The following LRRC37A3 variants were observed in gnomAD, a reference collection of about 807,000 sequenced individuals.
The protein encoded by LRRC37A3 is leucine-rich repeat-containing protein 37A3.
In LRRC37A3, 25 loss-of-function variants were observed where a neutral mutation model predicts 106.2. The ratio of observed to expected loss-of-function variants is 0.24; its 90% CI spans 0.17 to 0.33. LRRC37A3 has a LOEUF of 0.33. LRRC37A3 is among the 10% of genes least tolerant of loss of function. LRRC37A3 has a pLI of 1.00. For synonymous variants in LRRC37A3, 305 were observed against 635.8 expected (o/e 0.48, Z 7.83); for missense variants, 712 against 1,644.9 (o/e 0.43, Z 9.81).
intron 14 of LRRC37A3, among the ~76,000 whole-genome samples, chr17:64,855,159 T>G (rs1972634498): frequency 6.6e-6 from 1 of 151,470 alleles, no homozygotes; most frequent in Non-Finnish European, 1.5e-5. Flanking sequence ...ATAAAAGGAA[T>G]AGAGTAGGGG....
In LRRC37A3 at chr17:64,860,530, G is replaced by C. The variant is rs761222497; in HGVS notation, c.3616C>G (p.Leu1206Val). The change falls in exon 12 of 15, where the codon CTC (leucine) becomes GTC (valine). Residue 1206 changes from leucine (L) to valine (V), a missense_variant. By Grantham distance (32) the Leu-to-Val change is conservative. Coordinates refer to ENST00000584306, the MANE Select transcript of LRRC37A3 (RefSeq NM_199340.5). ...SVENTAEEKR[L>V]GSPAPRELKQ... ...AGCTCCCTTGGGGCTGGACTTCCGA[G>C]CCTTTTTTCTTCGGCAGTGTTCTCC... 3.1e-6 allele frequency: 5 copies of C among 1,612,886 alleles called. No individual in the cohort carries two copies. The highest frequency in any genetic ancestry group is 4.2e-6 in the Non-Finnish European group (5 of 1,179,864).
chr17:64,857,863 G>C (rs370620893), intron 13 of LRRC37A3, among the ~76,000 whole-genome samples: 45 of 152,322 alleles, frequency 3.0e-4, no homozygotes, highest in Middle Eastern at 3.4e-3. Flanking sequence ...TGGAATGGAG[G>C]GCTGGCTGCC....
Position 64,859,947 on chromosome 17 carries a change from T to A in LRRC37A3, c.4199A>T (p.Asn1400Ile). ...CATGTTAGTGTTTTCCATAAAAACA[T>A]TTTCTTCAAAGGCATTTCTTGCAGT... Reference protein sequence around the residue: ...DTTARNAFEENVFMENTNMPE... With the variant: ...DTTARNAFEEIVFMENTNMPE... The change falls in exon 12 of 15, where the codon AAT (asparagine) becomes ATT (isoleucine). Residue 1400 changes from asparagine to isoleucine, a missense_variant. By Grantham distance (149) the Asn-to-Ile change is moderately radical. Coordinates refer to ENST00000584306, the MANE Select transcript of LRRC37A3 (RefSeq NM_199340.5). The A allele has an allele frequency of 1.2e-6, 2 of 1,613,848 alleles. No individual in the cohort carries two copies. The highest frequency in any genetic ancestry group is 1.7e-6 in the Non-Finnish European group (2 of 1,179,866).
Position 64,860,441 on chromosome 17 carries a change from A to G in LRRC37A3, c.3705T>C (p.Pro1235=). The change falls in exon 12 of 15, where the codon CCT becomes CCC. Residue 1235 remains proline (P), a synonymous_variant. Coordinates refer to ENST00000584306, the MANE Select transcript of LRRC37A3 (RefSeq NM_199340.5). ...CTGCCTTATGCTCTTGGGTGAACGA[A>G]GGCTTGGTGTAGACGGCGTTTCCCG... The part of the protein sequence containing the change: ...KLAGNAVYTK[P]SFTQEHKAAV... 2 of 1,613,906 alleles carry G rather than the reference A, an allele frequency of 1.2e-6. No homozygotes were observed. Among genetic ancestry groups the G allele is most frequent in the Middle Eastern group, 1.7e-4 (1 of 6,040 alleles).
chr17:64,857,711 A>C (rs1336095330), intron 13 of LRRC37A3, among the ~76,000 whole-genome samples: 2 of 152,176 alleles, frequency 1.3e-5, no homozygotes, highest in Non-Finnish European at 2.9e-5. Flanking sequence ...TCAAGAAGAA[A>C]GATGAACTTG....
intron 8 of LRRC37A3, among the ~76,000 whole-genome samples, chr17:64,877,922 T>A (rs527935244): frequency 2.4e-4 from 36 of 152,128 alleles, no homozygotes; most frequent in South Asian, 8.3e-4. Flanking sequence ...TTTTTTTTTT[T>A]AAAATGGTGC....
At chr17:64,865,756 T>G (rs1973046374) in intron 10 of LRRC37A3, among the ~76,000 whole-genome samples, 1 of 152,240 alleles carries the variant, frequency 6.6e-6, no homozygotes, top group African/African-American at 2.4e-5. Flanking sequence ...TGGAACTTCA[T>G]ATTATCATTG....
chr17:64,908,777 A>G (rs1216072148), intron 2 of LRRC37A3, among the ~76,000 whole-genome samples: 1 of 134,964 alleles, frequency 7.4e-6, no homozygotes, highest in Non-Finnish European at 1.5e-5. Flanking sequence ...CGTCTCAAAA[A>G]CAAGTCAATA....
At chr17:64,903,714 CCT>C (rs1426324197) in intron 2 of LRRC37A3, among the ~76,000 whole-genome samples, 5 of 152,142 alleles carry the variant, frequency 3.3e-5, no homozygotes, top group African/African-American at 1.2e-4. Context: ...TACAGCCCTG[CCT>C]CTGACTTCAA....
intron 5 of LRRC37A3, among the ~76,000 whole-genome samples, chr17:64,890,924 T>G (rs1317607560): frequency 2.1e-5 from 1 of 47,958 alleles, no homozygotes; most frequent in Non-Finnish European, 3.4e-5. Flanking sequence ...TTTTGTATTT[T>G]TAGTAGAGAT....
chr17:64,882,515 T>C (rs1162875430), intron 8 of LRRC37A3, among the ~76,000 whole-genome samples: 1 of 152,166 alleles, frequency 6.6e-6, no homozygotes, highest in Non-Finnish European at 1.5e-5. Context: ...GAGTTGTTCT[T>C]TTTGTCTTTA....
chr17:64,860,533 T>C lies in LRRC37A3; in HGVS notation c.3613A>G (p.Arg1205Gly), dbSNP rs754252671. ...TCCCTTGGGGCTGGACTTCCGAGCCTTTTTTCTTCGGCAGTGTTCTCCACA... is the reference window on the plus strand; with the variant it reads ...TCCCTTGGGGCTGGACTTCCGAGCCCTTTTTCTTCGGCAGTGTTCTCCACA... ...ASVENTAEEK[R>G]LGSPAPRELK... Residue 1205 changes from arginine to glycine, a missense_variant, in exon 12 of 15, where the codon AGG becomes GGG. By Grantham distance (125) the Arg-to-Gly change is moderately radical. Coordinates refer to ENST00000584306, the MANE Select transcript of LRRC37A3 (RefSeq NM_199340.5). 48 of 1,612,774 alleles carry C rather than the reference T, an allele frequency of 3.0e-5. No individual in the cohort carries two copies. The highest frequency in any genetic ancestry group is 2.2e-4 in the Admixed American group (13 of 59,990).
chr17:64,880,530 A>G lies in LRRC37A3; in HGVS notation c.2906+5556T>C, dbSNP rs534878459. ...CATTTTATACATTAAACTAAGGTGC[A>G]CTGACTCCCAGTCCATCGACTTTTT... is the stretch of plus-strand genomic sequence containing the variant. On this transcript the variant is annotated intron_variant, in intron 8 of 14. Coordinates refer to ENST00000584306, the MANE Select transcript of LRRC37A3 (RefSeq NM_199340.5). Among the ~76,000 whole-genome samples, 3 of 152,326 alleles carry G rather than the reference A, an allele frequency of 2.0e-5. No homozygotes were observed. In the East Asian group the frequency reaches 5.8e-4, roughly 29 times the overall value.
intron 1 of LRRC37A3, 82 bp from the exon 2 acceptor site, chr17:64,918,952 T>A (rs1054150725): frequency 3.3e-5 from 36 of 1,087,386 alleles, no homozygotes; most frequent in Non-Finnish European, 8.1e-6. Context: ...CGTCCGGACC[T>A]GCAGCTGTCC....
chr17:64,918,423 G>T (rs921527930), intron 2 of LRRC37A3, among the ~76,000 whole-genome samples: 1 of 151,584 alleles, frequency 6.6e-6, no homozygotes, highest in African/African-American at 2.4e-5. Context: ...AATGGTAAAG[G>T]CAATGTAATT....
intron 10 of LRRC37A3, among the ~76,000 whole-genome samples, chr17:64,867,976 A>G (rs1973175037): frequency 1.3e-5 from 2 of 152,184 alleles, no homozygotes; most frequent in Admixed American, 1.3e-4. Context: ...CGGAAGGCTG[A>G]GGCAGGAGAA....
In LRRC37A3 at chr17:64,860,939, C is replaced by G; in HGVS notation, c.3207G>C (p.Ala1069=). Residue 1069 remains alanine, a synonymous_variant, in exon 12 of 15, where the codon GCG becomes GCC. Coordinates refer to ENST00000584306, the MANE Select transcript of LRRC37A3 (RefSeq NM_199340.5). ...EEASVGNPEG[A]FMKVLQARKN... Reference sequence around the variant, plus strand: ...TCCGGGCTTGTAACACCTTCATGAACGCTCCTTCTGGATTCCCTACAGATG... The same window carrying G: ...TCCGGGCTTGTAACACCTTCATGAAGGCTCCTTCTGGATTCCCTACAGATG... 1 of 1,613,958 alleles carries G rather than the reference C, an allele frequency of 6.2e-7. No individual in the cohort carries two copies. The highest frequency in any genetic ancestry group is 8.5e-7 in the Non-Finnish European group (1 of 1,179,920).
At chr17:64,910,286 TG>T (rs1403881431) in intron 2 of LRRC37A3, 2 of 152,362 alleles carry the variant, frequency 1.3e-5, no homozygotes, top group African/African-American at 4.8e-5. Context: ...CTGTGCCTCC[TG>T]GCACTGTGCT....
At chr17:64,872,595 A>G (rs1973359458) in intron 8 of LRRC37A3, among the ~76,000 whole-genome samples, 1 of 152,220 alleles carries the variant, frequency 6.6e-6, no homozygotes, top group African/African-American at 2.4e-5. Flanking sequence ...ACAATTACAG[A>G]CAAGTGTTTG....
Sources: allele counts gnomAD v4.1 joint callset (sites outside exome capture counted in the v4.1 genomes callset), GRCh38; gene constraint gnomAD v4.1.1; transcripts MANE v1.5; gene names NCBI Gene and HGNC (gene_info 2026-07-23, HGNC 2026-07-21).